Variants in EPHA6 observed in about 807,000 individuals in gnomAD.
EPHA6 encodes the protein EPH receptor A6.
In EPHA6, 50 loss-of-function variants were observed where a neutral mutation model predicts 112.0. That is an observed-to-expected ratio of 0.45 (90% CI 0.36 to 0.56). EPHA6 has a LOEUF of 0.56. Among genes scored for constraint, EPHA6 ranks in the 20% least tolerant of loss-of-function variants. The probability of loss-of-function intolerance (pLI) is 0.00; values close to 1 mark genes in which losing one functional copy is unlikely to be tolerated. For missense variants in EPHA6, 1,280 were observed against 1,417.4 expected (o/e 0.90, Z 1.56); for synonymous variants, 529 against 490.7 (o/e 1.08, Z -1.03).
intron 2 of EPHA6, among the ~76,000 whole-genome samples, chr3:96,979,106 C>A (rs944752322): frequency 6.6e-6 from 1 of 151,872 alleles, no homozygotes; most frequent in Admixed American, 6.6e-5. Context: ...ATGTGCACAA[C>A]GTGCAGGTTT....
At chr3:97,208,918 G>T (rs1370904595) in intron 3 of EPHA6, among the ~76,000 whole-genome samples, 2 of 152,088 alleles carry the variant, frequency 1.3e-5, no homozygotes, top group African/African-American at 4.8e-5. Context: ...CGATTAAAAA[G>T]CTTAGAAATT....
intron 5 of EPHA6, among the ~76,000 whole-genome samples, chr3:97,280,709 CT>C (rs1218064598): frequency 6.6e-6 from 1 of 152,048 alleles, no homozygotes; most frequent in Non-Finnish European, 1.5e-5. Context: ...TTATAGTTTC[CT>C]TATATATCTC....
At chr3:97,110,142 C>T (rs1242768103) in intron 3 of EPHA6, among the ~76,000 whole-genome samples, 1 of 152,090 alleles carries the variant, frequency 6.6e-6, no homozygotes, top group East Asian at 1.9e-4. Flanking sequence ...TGCATTTTAA[C>T]ACCATTCTGT....
chr3:97,604,270 G>GCT (rs1241315998), intron 12 of EPHA6, among the ~76,000 whole-genome samples: 1 of 151,620 alleles, frequency 6.6e-6, no homozygotes, highest in Middle Eastern at 3.2e-3. Flanking sequence ...CCAATATCAG[G>GCT]CTATGTGACT....
chr3:97,336,775 A>G (rs972530552), intron 5 of EPHA6, among the ~76,000 whole-genome samples: 5 of 152,138 alleles, frequency 3.3e-5, no homozygotes, highest in Non-Finnish European at 7.4e-5. Flanking sequence ...CTCTTACTAC[A>G]TGAGCTACAT....
intron 2 of EPHA6, among the ~76,000 whole-genome samples, chr3:96,984,359 A>G (rs2042934417): frequency 6.6e-6 from 1 of 152,200 alleles, no homozygotes; most frequent in African/African-American, 2.4e-5. Flanking sequence ...TGGAGGCTGC[A>G]GAACACCGAA....
intron 3 of EPHA6, among the ~76,000 whole-genome samples, chr3:97,031,603 A>G (rs1239005504): frequency 1.3e-5 from 2 of 152,172 alleles, no homozygotes; most frequent in Non-Finnish European, 2.9e-5. Context: ...TTTACAAGAA[A>G]AAAACAAACA....
intron 2 of EPHA6, among the ~76,000 whole-genome samples, chr3:96,878,036 A>G (rs975297458): frequency 1.3e-5 from 2 of 151,810 alleles, no homozygotes; most frequent in South Asian, 2.1e-4. Flanking sequence ...TAATGTGATT[A>G]ATTAAACAAA....
chr3:97,549,470 G>A (rs1290992198), intron 11 of EPHA6, among the ~76,000 whole-genome samples: 4 of 152,136 alleles, frequency 2.6e-5, no homozygotes, highest in African/African-American at 9.7e-5. Context: ...AGAACAAAAT[G>A]TCAGAATCTG....
rs76372123 is a variant in EPHA6 at position 97,072,262 on chromosome 3, T to G, written c.1114+84269T>G. On this transcript the variant is annotated intron_variant, in intron 3 of 17. Transcript: ENST00000389672. ...TCCTCATTTTTAGTACCTATGAAAG[T>G]GAACTTATTTAGAAATAGAGTCTTT... Among the ~76,000 whole-genome samples, 985 of 152,230 alleles carry G rather than the reference T, an allele frequency of 6.5e-3. 3 individuals carry two copies. Among genetic ancestry groups the G allele is most frequent in the Middle Eastern group, 0.02 (6 of 294 alleles).
intron 6 of EPHA6, among the ~76,000 whole-genome samples, chr3:97,405,773 G>T (rs1559964917): frequency 6.6e-6 from 1 of 151,944 alleles, no homozygotes; most frequent in Non-Finnish European, 1.5e-5. Flanking sequence ...TTACATTCAG[G>T]TTAGCTATTT....
intron 2 of EPHA6, among the ~76,000 whole-genome samples, chr3:96,871,951 T>C (rs898404450): frequency 2.0e-5 from 3 of 151,980 alleles, no homozygotes; most frequent in Non-Finnish European, 4.4e-5. Context: ...AACCAGGAGA[T>C]AGAATTTGAA....
rs982871702 is a variant in EPHA6 at position 97,641,595 on chromosome 3, C to A, written c.2784+3513C>A. ...GATAGTGGGTGCAGCGCACCATGCGCGAGCCGAAGCAGAGCGAGGCATTGC... is the reference window on the plus strand; with the variant it reads ...GATAGTGGGTGCAGCGCACCATGCGAGAGCCGAAGCAGAGCGAGGCATTGC... On this transcript the variant is annotated intron_variant, in intron 14 of 17. Coordinates refer to ENST00000389672, the MANE Select transcript of EPHA6 (RefSeq NM_001080448.3). Among the ~76,000 whole-genome samples the A allele has an allele frequency of 2.0e-5, 3 of 152,280 alleles. No homozygotes were observed. The South Asian group carries it at 6.2e-4, about 32-fold the overall frequency.
At chr3:97,367,934 C>T (rs2084831540) in intron 5 of EPHA6, among the ~76,000 whole-genome samples, 1 of 152,118 alleles carries the variant, frequency 6.6e-6, no homozygotes, top group Non-Finnish European at 1.5e-5. Flanking sequence ...GTCTGTATAA[C>T]CACAAGCTGA....
intron 12 of EPHA6, among the ~76,000 whole-genome samples, chr3:97,596,075 T>A (rs2093587875): frequency 6.6e-6 from 1 of 151,678 alleles, no homozygotes; most frequent in African/African-American, 2.4e-5. Context: ...CCGGCTAATT[T>A]TTTGTATTTT....
chr3:96,879,230 G>A (rs776509960), intron 2 of EPHA6, among the ~76,000 whole-genome samples: 12 of 151,922 alleles, frequency 7.9e-5, no homozygotes, highest in Non-Finnish European at 1.5e-4. Context: ...GTTTATAAAC[G>A]TAATTTGGAT....
intron 3 of EPHA6, among the ~76,000 whole-genome samples, chr3:97,208,375 C>T (rs1158353976): frequency 6.6e-6 from 1 of 152,014 alleles, no homozygotes; most frequent in Non-Finnish European, 1.5e-5. Context: ...ATATAAAACC[C>T]TAATTGCAAT....
chr3:96,956,316 G>A (rs2041756429), intron 2 of EPHA6, among the ~76,000 whole-genome samples: 1 of 152,154 alleles, frequency 6.6e-6, no homozygotes, highest in African/African-American at 2.4e-5. Flanking sequence ...TAATCCTGAT[G>A]GATGAATTAG....
At chr3:97,521,917 C>A (rs1443161465) in intron 10 of EPHA6, among the ~76,000 whole-genome samples, 1 of 129,036 alleles carries the variant, frequency 7.7e-6, no homozygotes, top group Non-Finnish European at 1.6e-5. Flanking sequence ...TCTGGAGAGC[C>A]TTTTTCAAAA....
Sources: gnomAD v4.1 joint callset for allele counts (sites outside exome capture counted in the v4.1 genomes callset) on GRCh38, gnomAD v4.1.1 for gene constraint, MANE v1.5 for transcripts, NCBI Gene and HGNC (gene_info 2026-07-23, HGNC 2026-07-21) for gene names.